Variants in THSD7B observed in about 807,000 individuals in gnomAD.
THSD7B encodes the protein thrombospondin type 1 domain containing 7B.
Under a neutral mutation model 213.6 loss-of-function variants are expected in THSD7B, and 138 were observed. The ratio of observed to expected loss-of-function variants is 0.65; its 90% CI spans 0.56 to 0.74. THSD7B has a LOEUF of 0.74. THSD7B is among the 30% of genes least tolerant of loss of function. The pLI, the probability that THSD7B is intolerant of heterozygous loss-of-function variation, is 0.00. For missense variants in THSD7B, 1,931 were observed against 1,991.5 expected (o/e 0.97, Z 0.58); for synonymous variants, 742 against 687.0 (o/e 1.08, Z -1.25).
intron 2 of THSD7B, among the ~76,000 whole-genome samples, chr2:137,031,964 C>G (rs1170998456): frequency 6.6e-6 from 1 of 152,004 alleles, no homozygotes. Flanking sequence ...ACCTCAGCTT[C>G]AACTAGCTGG....
At chr2:137,614,284 C>T (rs115386787) in intron 17 of THSD7B, among the ~76,000 whole-genome samples, 269 of 152,218 alleles carry the variant, frequency 1.8e-3, no homozygotes, top group African/African-American at 6.1e-3. Flanking sequence ...CATCCCATCC[C>T]CATTCTTCTT....
chr2:137,175,463 AG>A (rs1251461180), intron 7 of THSD7B, among the ~76,000 whole-genome samples: 21 of 152,166 alleles, frequency 1.4e-4, no homozygotes, highest in African/African-American at 4.6e-4. Context: ...CTTGCATACA[AG>A]GTTTTTTTAT....
chr2:136,962,011 G>A (rs1685227831), intron 2 of THSD7B, among the ~76,000 whole-genome samples: 1 of 152,156 alleles, frequency 6.6e-6, no homozygotes, highest in African/African-American at 2.4e-5. Context: ...ACCCTGAGAT[G>A]GGGAGATTAT....
intron 15 of THSD7B, among the ~76,000 whole-genome samples, chr2:137,558,692 TAGTGTTGGA>T (rs551883634): frequency 1.6e-3 from 242 of 152,290 alleles, no homozygotes; most frequent in Middle Eastern, 6.8e-3. Context: ...CTATTCAACA[TAGTGTTGGA>T]AGTTCTGGCC....
At chr2:137,325,166 T>TG (rs1684342496) in intron 12 of THSD7B, among the ~76,000 whole-genome samples, 3 of 88,542 alleles carry the variant, frequency 3.4e-5, no homozygotes, top group Non-Finnish European at 6.6e-5. Context: ...TTGTTTTTTG[T>TG]TTTTTTGTTT....
chr2:137,213,589 T>G (rs991724909), intron 7 of THSD7B, among the ~76,000 whole-genome samples: 2 of 151,304 alleles, frequency 1.3e-5, no homozygotes, highest in African/African-American at 4.8e-5. Context: ...ATACATGATA[T>G]ATAAGATTAT....
At chr2:137,303,438 C>T (rs1683656379) in intron 12 of THSD7B, among the ~76,000 whole-genome samples, 3 of 151,416 alleles carry the variant, frequency 2.0e-5, no homozygotes, top group African/African-American at 4.9e-5. Flanking sequence ...TGTATTTAAT[C>T]TTTTTCTCTG....
chr2:137,452,228 A>T lies in THSD7B; in HGVS notation c.3138+1205A>T, dbSNP rs147086251. ...GGTTATGTGGTAAAATAATGACCAT[A>T]GTTTATTCTCTTAAATAAGATATGA... On this transcript the variant is annotated intron_variant, in intron 15 of 27. Transcript: ENST00000409968. 3.7e-4 allele frequency among the ~76,000 whole-genome samples: 57 copies of T among 152,248 alleles called. 1 individual carries two copies. The East Asian group carries it at 0.01, about 28-fold the overall frequency.
chr2:137,470,386 G>A (rs1688069598), intron 15 of THSD7B, among the ~76,000 whole-genome samples: 1 of 152,182 alleles, frequency 6.6e-6, no homozygotes, highest in South Asian at 2.1e-4. Context: ...TTATAAAAGA[G>A]ACGGGACAAG....
rs147016714 is a variant in THSD7B at position 137,461,138 on chromosome 2, C to G, written c.3138+10115C>G. The stretch of plus-strand genomic sequence containing the variant: ...TGTTGATGGGCATTTCGGTTATTTC[C>G]AGTCTGGGGCTATTACAAATAACAC... On this transcript the variant is annotated intron_variant, in intron 15 of 27. Transcript: ENST00000409968. 4.0e-3 allele frequency among the ~76,000 whole-genome samples: 605 copies of G among 152,000 alleles called. 4 individuals are homozygous for G. Among genetic ancestry groups the G allele is most frequent in the Admixed American group, 7.1e-3 (108 of 15,236 alleles).
At chr2:137,327,818 T>C (rs1352115244) in intron 12 of THSD7B, among the ~76,000 whole-genome samples, 3 of 152,238 alleles carry the variant, frequency 2.0e-5, no homozygotes, top group African/African-American at 2.4e-5. Flanking sequence ...CAGTATTAAT[T>C]AATTATTGTA....
rs1047563563 is a variant in THSD7B, at chr2:137,574,730, A to G, written c.3423+2174A>G. Among the ~76,000 whole-genome samples the G allele has an allele frequency of 1.6e-4, 24 of 152,098 alleles. 1 individual carries two copies. The highest frequency in any genetic ancestry group is 9.8e-4 in the Admixed American group (15 of 15,252). Reference sequence around the variant, plus strand: ...GATTATTTTCCCTAAATCTAGGTATATTGCATAACTTTAGTTAAGTTGCAA... The same window carrying G: ...GATTATTTTCCCTAAATCTAGGTATGTTGCATAACTTTAGTTAAGTTGCAA... On this transcript the variant is annotated intron_variant, in intron 17 of 27. Coordinates refer to ENST00000409968, the MANE Select transcript of THSD7B (RefSeq NM_001316349.2).
chr2:136,787,570 C>T (rs1681888698), intron 1 of THSD7B, among the ~76,000 whole-genome samples: 1 of 151,944 alleles, frequency 6.6e-6, no homozygotes. Context: ...GTCTTTTTGT[C>T]CCTTTGGATG....
At chr2:136,813,594 A>C (rs1394000501) in intron 1 of THSD7B, among the ~76,000 whole-genome samples, 1 of 152,214 alleles carries the variant, frequency 6.6e-6, no homozygotes, top group East Asian at 1.9e-4. Flanking sequence ...CAGAATTACA[A>C]ATAATATTTA....
intron 20 of THSD7B, among the ~76,000 whole-genome samples, chr2:137,639,192 G>A (rs1017129406): frequency 2.0e-5 from 3 of 152,176 alleles, no homozygotes; most frequent in Admixed American, 6.5e-5. Context: ...TGTGGGCCTC[G>A]GGACTTGGTG....
At chr2:137,534,082 C>T (rs970833844) in intron 15 of THSD7B, among the ~76,000 whole-genome samples, 2 of 151,082 alleles carry the variant, frequency 1.3e-5, no homozygotes, top group African/African-American at 4.9e-5. Flanking sequence ...TTGTTTTCTT[C>T]CAACTTTGAT....
chr2:136,930,682 TAA>T (rs989350266), intron 2 of THSD7B, among the ~76,000 whole-genome samples: 12 of 152,234 alleles, frequency 7.9e-5, no homozygotes, highest in African/African-American at 1.9e-4. Flanking sequence ...CTCTAAAGAG[TAA>T]AGAGTCCAAG....
At chr2:136,996,955 G>A (rs994211926) in intron 2 of THSD7B, among the ~76,000 whole-genome samples, 2 of 152,134 alleles carry the variant, frequency 1.3e-5, no homozygotes, top group African/African-American at 4.8e-5. Context: ...TTTTGAAGCA[G>A]TAAAGGAAAT....
intron 14 of THSD7B, among the ~76,000 whole-genome samples, chr2:137,420,378 TC>T (rs1295679342): frequency 5.3e-5 from 8 of 152,336 alleles, no homozygotes; most frequent in African/African-American, 1.4e-4. Flanking sequence ...TAATAACCTT[TC>T]TGAACTTGTA....
Sources: gnomAD v4.1 joint callset for allele counts (sites outside exome capture counted in the v4.1 genomes callset) on GRCh38, gnomAD v4.1.1 for gene constraint, MANE v1.5 for transcripts, NCBI Gene and HGNC (gene_info 2026-07-23, HGNC 2026-07-21) for gene names.